Variants in ALDH8A1 observed in about 807,000 individuals in gnomAD.
ALDH8A1 encodes the protein aldehyde dehydrogenase 8 family member A1.
In ALDH8A1, 39 loss-of-function variants were observed where a neutral mutation model predicts 43.3. That is an observed-to-expected ratio of 0.90 (90% CI 0.70 to 1.18). The LOEUF (loss-of-function observed/expected upper bound fraction) is 1.18. ALDH8A1 is among the 50% of genes most tolerant of loss of function. The pLI, the probability that ALDH8A1 is intolerant of heterozygous loss-of-function variation, is 0.00. For synonymous variants in ALDH8A1, 233 were observed against 243.5 expected (o/e 0.96, Z 0.40); for missense variants, 605 against 622.6 (o/e 0.97, Z 0.30).
chr6:134,949,798 C>T, intron 1 of ALDH8A1, 118 bp downstream of exon 1: 2 of 1,190,562 alleles, frequency 1.7e-6, no homozygotes, highest in African/African-American at 1.5e-5. Context: ...AATCTTCCTT[C>T]TATCATGTTT....
At chr6:134,939,752 T>C in intron 3 of ALDH8A1, among the ~76,000 whole-genome samples, 1 of 152,200 alleles carries the variant, frequency 6.6e-6, no homozygotes, top group East Asian at 1.9e-4. Flanking sequence ...ATTATAAAGA[T>C]ACATGCACGC....
chr6:134,936,240 C>G (rs1773735517), intron 4 of ALDH8A1, among the ~76,000 whole-genome samples: 1 of 152,206 alleles, frequency 6.6e-6, no homozygotes, highest in Non-Finnish European at 1.5e-5. Context: ...CATAAGCCAC[C>G]ATGCCTGGCC....
chr6:134,938,206 C>G (rs986794003), intron 4 of ALDH8A1, among the ~76,000 whole-genome samples: 5 of 152,210 alleles, frequency 3.3e-5, no homozygotes, highest in Non-Finnish European at 2.9e-5. Context: ...CTGTCTCCCC[C>G]ACCCAGCACT....
intron 1 of ALDH8A1, among the ~76,000 whole-genome samples, chr6:134,944,651 G>C (rs567800847): frequency 2.0e-5 from 3 of 152,146 alleles, no homozygotes; most frequent in South Asian, 2.1e-4. Flanking sequence ...AGGGAGGCTG[G>C]GTTGGGAGGA....
chr6:134,918,833 C>G lies in ALDH8A1; in HGVS notation c.1046G>C (p.Gly349Ala). 1 of 1,614,182 alleles carries G rather than the reference C, an allele frequency of 6.2e-7. No individual in the cohort carries two copies. Among genetic ancestry groups the G allele is most frequent in the Non-Finnish European group, 8.5e-7 (1 of 1,180,014 alleles). ...TCCCTCACCGCACCAAATTTGGGCA[C>G]CTTCAGCAAGAGCTCTCTTGACGTA... is the stretch of plus-strand genomic sequence containing the variant. ...RSYVKRALAEGAQIWCGEGVD... is the reference protein window; with the variant it reads ...RSYVKRALAEAAQIWCGEGVD... Residue 349 changes from glycine to alanine, a missense_variant, in exon 7 of 7, where the codon GGT becomes GCT. Coordinates refer to ENST00000265605, the MANE Select transcript of ALDH8A1 (RefSeq NM_022568.4).
In ALDH8A1 at chr6:134,927,941, G is replaced by A. The variant is rs544042662; in HGVS notation, c.1011+1113C>T. On this transcript the variant is annotated intron_variant, in intron 6 of 6. Transcript: ENST00000265605. ...TGCATCTGGAAAATCTTCACTCCAT[G>A]AAGGACCATCCACAACTGTTGGTCT... Among the ~76,000 whole-genome samples, 10 of 152,288 alleles carry A rather than the reference G, an allele frequency of 6.6e-5. No individual in the cohort carries two copies. The South Asian group carries it at 2.1e-3, about 32-fold the overall frequency.
chr6:134,935,935 C>T (rs1773729724), intron 4 of ALDH8A1, among the ~76,000 whole-genome samples: 1 of 151,512 alleles, frequency 6.6e-6, no homozygotes, highest in South Asian at 2.1e-4. Flanking sequence ...TGTGATGGTG[C>T]CTAGCAGAGC....
chr6:134,942,219 A>G lies in ALDH8A1; in HGVS notation c.442+190T>C, dbSNP rs1281290900. The G allele has an allele frequency of 8.2e-6, 6 of 733,704 alleles. No individual in the cohort carries two copies. The South Asian group carries it at 1.4e-4, about 17-fold the overall frequency. The allele number at this position is 733,704 out of a possible 1,614,324, so 45.4% of individuals were successfully genotyped here. A position where few individuals can be genotyped will look rare whatever the true frequency, so the allele number is the denominator to read the frequency against. ...TGGGCGACAGAGCAAGACGCTGTCT[A>G]AAAAGAAAAGCAGGGAATTTGACAC... On this transcript the variant is annotated intron_variant, in intron 3 of 6. Transcript: ENST00000265605.
chr6:134,922,826 A>G (rs1019461189), intron 6 of ALDH8A1, among the ~76,000 whole-genome samples: 7 of 152,178 alleles, frequency 4.6e-5, no homozygotes, highest in Non-Finnish European at 2.9e-5. Flanking sequence ...ATTATTTTCT[A>G]TAAGGATCAA....
At position 134,949,975 on chromosome 6, in the gene ALDH8A1, A is replaced by G; in HGVS notation, c.79T>C (p.Ser27Pro). Residue 27 changes from serine (S) to proline (P), a missense_variant, in exon 1 of 7, where the codon TCT (serine) becomes CCT (proline). Physicochemically the swap from Ser to Pro is moderately conservative, Grantham distance 74. Transcript: ENST00000265605. The part of the protein sequence containing the change: ...KFLPCSSYID[S>P]YDPSTGEVYC... ...ACTTCCCCTGTTGATGGGTCGTAAG[A>G]ATCTATATATGAGCTACAAGGTAAA... is the stretch of plus-strand genomic sequence containing the variant. 6.2e-7 allele frequency: 1 copy of G among 1,613,116 alleles called. No individual in the cohort carries two copies. The highest frequency in any genetic ancestry group is 8.5e-7 in the Non-Finnish European group (1 of 1,179,522).
rs776774469 is a variant in ALDH8A1 at position 134,939,384 on chromosome 6, G to C, written c.474C>G (p.Leu158=). ...AGLISPWNLP[L]YLLTWKIAPA... ...GAGCTATCTTCCAGGTCAGCAAGTAGAGTGGCAAATTCCAGGGGCTGATCA... is the reference window on the plus strand; with the variant it reads ...GAGCTATCTTCCAGGTCAGCAAGTACAGTGGCAAATTCCAGGGGCTGATCA... Residue 158 remains leucine, a synonymous_variant, in exon 4 of 7, where the codon CTC becomes CTG. Transcript: ENST00000265605. 5.6e-6 allele frequency: 9 copies of C among 1,614,072 alleles called. No homozygotes were observed. Among genetic ancestry groups the C allele is most frequent in the Non-Finnish European group, 7.6e-6 (9 of 1,180,046 alleles).
intron 3 of ALDH8A1, among the ~76,000 whole-genome samples, chr6:134,941,229 CAG>C (rs1350450691): frequency 5.9e-5 from 9 of 151,862 alleles, no homozygotes; most frequent in Admixed American, 3.3e-4. Flanking sequence ...TCTTTTGAGA[CAG>C]AGTCTCGATC....
chr6:134,922,161 C>T (rs1455081882), intron 6 of ALDH8A1, among the ~76,000 whole-genome samples: 1 of 152,248 alleles, frequency 6.6e-6, no homozygotes, highest in Non-Finnish European at 1.5e-5. Flanking sequence ...GTAGATCCTC[C>T]TGAGGCTTTA....
At chr6:134,942,975 A>G (rs1360702421) in intron 2 of ALDH8A1, among the ~76,000 whole-genome samples, 1 of 152,200 alleles carries the variant, frequency 6.6e-6, no homozygotes, top group East Asian at 1.9e-4. Context: ...ATACACATGT[A>G]ATGTGTATTT....
chr6:134,938,176 C>T (rs189148407), intron 4 of ALDH8A1, among the ~76,000 whole-genome samples: 4 of 152,176 alleles, frequency 2.6e-5, no homozygotes, highest in Admixed American at 2.6e-4. Context: ...GCAAGGAGAC[C>T]AACTAGAAAG....
chr6:134,948,970 C>A (rs1407606560), intron 1 of ALDH8A1, among the ~76,000 whole-genome samples: 2 of 151,872 alleles, frequency 1.3e-5, no homozygotes, highest in Non-Finnish European at 2.9e-5. Context: ...ATGCATTAAC[C>A]AACATTTGCA....
Position 134,949,899 on chromosome 6 carries a change from T to C in ALDH8A1, c.138+17A>G. The C allele has an allele frequency of 6.5e-7, 1 of 1,546,412 alleles. No individual in the cohort carries two copies. Among genetic ancestry groups the C allele is most frequent in the Non-Finnish European group, 8.7e-7 (1 of 1,144,966 alleles). ...ATATTAAACACATTTCAGTCTTCTT[T>C]AAGTGCATATACTCACCTCGTCTTT... On this transcript the variant is annotated intron_variant, in intron 1 of 6. Transcript: ENST00000265605.
intron 3 of ALDH8A1, 55 bp downstream of exon 3, chr6:134,942,354 T>TTG: frequency 6.7e-7 from 1 of 1,493,676 alleles, no homozygotes; most frequent in Admixed American, 2.0e-5. Context: ...CCATAGAATG[T>TTG]TGTGAGCATC....
At chr6:134,923,256 C>A (rs1401533663) in intron 6 of ALDH8A1, among the ~76,000 whole-genome samples, 6 of 151,816 alleles carry the variant, frequency 4.0e-5, no homozygotes, top group Admixed American at 3.9e-4. Context: ...TCTGGAACAC[C>A]TGGGCTCAAG....
Sources: gnomAD v4.1 joint callset for allele counts (sites outside exome capture counted in the v4.1 genomes callset) on GRCh38, gnomAD v4.1.1 for gene constraint, MANE v1.5 for transcripts, NCBI Gene and HGNC (gene_info 2026-07-23, HGNC 2026-07-21) for gene names.